The following FGF13 variants were observed in gnomAD, a reference collection of about 807,000 sequenced individuals.
The protein encoded by FGF13 is fibroblast growth factor homologous factor 2.
FGF13 carries 2 observed loss-of-function variants against 19.5 expected under a neutral mutation model. The observed-to-expected ratio is 0.10, with a 90% CI of 0.04 to 0.32. The LOEUF is 0.32. Ranked by LOEUF, FGF13 falls within the 10% of genes least tolerant of loss-of-function variation. FGF13 has a pLI of 1.00. For missense variants in FGF13, 113 were observed against 192.7 expected, an observed-to-expected ratio of 0.59 and a Z score of 2.45; for synonymous variants, 72 against 76.9, an observed-to-expected ratio of 0.94 and a Z score of 0.33.
At chrX:138,700,225 C>T (rs897562397) in intron 3 of FGF13, among the ~76,000 whole-genome samples, 5 of 111,171 alleles carry the variant, frequency 4.5e-5, no homozygotes, top group African/African-American at 1.6e-4. Context: ...CTGTAGTCAT[C>T]CCTCACCAAT....
At chrX:138,792,258 T>C (rs1368795571) in intron 3 of FGF13, among the ~76,000 whole-genome samples, 1 of 112,082 alleles carries the variant, frequency 8.9e-6, no homozygotes. Context: ...CAACTATATT[T>C]TCTGTACTTT....
intron 3 of FGF13, among the ~76,000 whole-genome samples, chrX:138,800,754 C>T (rs1021959637): frequency 8.9e-6 from 1 of 111,871 alleles, no homozygotes; most frequent in Non-Finnish European, 1.9e-5. Flanking sequence ...CACTTAGTCC[C>T]ATATTGCTTG....
intron 4 of FGF13, 30 bp downstream of exon 4, chrX:138,635,426 TA>T: frequency 8.7e-7 from 1 of 1,155,094 alleles, no homozygotes; most frequent in Non-Finnish European, 1.2e-6. Context: ...TTTAGTAGCA[TA>T]ATCCATAGTT....
chrX:138,665,525 T>A (rs1288670949), intron 3 of FGF13, among the ~76,000 whole-genome samples: 4 of 111,666 alleles, frequency 3.6e-5, no homozygotes, highest in Non-Finnish European at 5.7e-5. Flanking sequence ...TATATCTTTC[T>A]GGCTGGGCCT....
At chrX:139,008,707 T>C (rs1880275866) in intron 1 of FGF13, among the ~76,000 whole-genome samples, 1 of 111,956 alleles carries the variant, frequency 8.9e-6, no homozygotes, top group African/African-American at 3.3e-5. Context: ...ACAGCAGCCT[T>C]TGAATCCCAG....
chrX:139,128,848 AT>A (rs2083737947), intron 1 of FGF13, among the ~76,000 whole-genome samples: 1 of 111,247 alleles, frequency 9.0e-6, no homozygotes, highest in South Asian at 3.8e-4. Flanking sequence ...CTAGTAAATA[AT>A]TATCTATAAA....
intron 1 of FGF13, among the ~76,000 whole-genome samples, chrX:139,110,841 C>A (rs2083596074): frequency 1.8e-5 from 2 of 111,169 alleles, no homozygotes. Flanking sequence ...GTGGTGGCTT[C>A]TTCCCCTTGG....
chrX:139,181,671 C>A lies in FGF13; in HGVS notation c.-113+21745G>T, dbSNP rs770520648. Among the ~76,000 whole-genome samples the A allele has an allele frequency of 2.7e-5, 3 of 112,646 alleles. No individual in the cohort carries two copies. In the East Asian group the frequency reaches 8.4e-4, roughly 32 times the overall value. On this transcript the variant is annotated intron_variant, in intron 1 of 2. Coordinates refer to the FGF13 transcript ENST00000421460. ...CACTATGCTTGAATTACACTAGTCC[C>A]TGCCTTCAAGGAGCCCACAGCCTAG... is the stretch of plus-strand genomic sequence containing the variant.
At chrX:138,974,137 G>A (rs1487240197) in intron 1 of FGF13, among the ~76,000 whole-genome samples, 1 of 111,803 alleles carries the variant, frequency 8.9e-6, no homozygotes, top group African/African-American at 3.3e-5. Flanking sequence ...TAAATATATT[G>A]CTATTGTTTA....
At chrX:139,134,562 T>C (rs905483700) in intron 1 of FGF13, among the ~76,000 whole-genome samples, 5 of 111,536 alleles carry the variant, frequency 4.5e-5, no homozygotes, top group African/African-American at 1.6e-4. Context: ...TCCAACCATG[T>C]CAACCCATAA....
Position 138,928,333 on chromosome X carries a change from A to G in FGF13, c.-112-63683T>C, listed in dbSNP as rs181403501. ...AAAATTAAATAATTTAAATATTTTA[A>G]AGTAAGCAATAGGCATTACACAAAA... On this transcript the variant is annotated intron_variant, in intron 1 of 2. Transcript: ENST00000421460. Among the ~76,000 whole-genome samples, 390 of 110,771 alleles carry G rather than the reference A, an allele frequency of 3.5e-3. 1 individual carries two copies. Among genetic ancestry groups the G allele is most frequent in the African/African-American group, 0.012 (377 of 30,713 alleles).
chrX:138,910,334 A>G (rs1401435739), intron 1 of FGF13, among the ~76,000 whole-genome samples: 1 of 111,114 alleles, frequency 9.0e-6, no homozygotes, highest in African/African-American at 3.3e-5. Context: ...CCAAGTTACA[A>G]GAAGACATTA....
intron 1 of FGF13, among the ~76,000 whole-genome samples, chrX:139,067,261 T>A (rs992132761): frequency 9.0e-6 from 1 of 111,335 alleles, no homozygotes; most frequent in Non-Finnish European, 1.9e-5. Flanking sequence ...CTATTCAACA[T>A]AGTATTGGAA....
chrX:138,878,525 C>A (rs1258098846), intron 1 of FGF13, among the ~76,000 whole-genome samples: 6 of 108,072 alleles, frequency 5.6e-5, no homozygotes, highest in Non-Finnish European at 9.5e-5. Context: ...TGTATATGTG[C>A]CACATTTTCT....
chrX:138,980,283 T>A (rs992315069), intron 1 of FGF13, among the ~76,000 whole-genome samples: 1 of 111,142 alleles, frequency 9.0e-6, no homozygotes, highest in Non-Finnish European at 1.9e-5. Context: ...TTCCTTTTAA[T>A]CCCCGAGCCA....
intron 1 of FGF13, among the ~76,000 whole-genome samples, chrX:139,129,250 A>T (rs2083743732): frequency 9.1e-6 from 1 of 109,409 alleles, no homozygotes; most frequent in Non-Finnish European, 1.9e-5. Context: ...AATATAATGT[A>T]ATTTATAATA....
chrX:138,990,342 A>G (rs1381969689), intron 1 of FGF13, among the ~76,000 whole-genome samples: 2 of 111,071 alleles, frequency 1.8e-5, no homozygotes, highest in African/African-American at 3.3e-5. Flanking sequence ...TAATAAATAA[A>G]AACATAGCTT....
intron 1 of FGF13, among the ~76,000 whole-genome samples, chrX:139,045,143 A>G (rs1417139907): frequency 8.9e-6 from 1 of 112,286 alleles, no homozygotes; most frequent in Non-Finnish European, 1.9e-5. Context: ...TTAACACCAC[A>G]TGAAAACCAC....
chrX:138,725,418 A>T (rs1173194765), intron 1 of FGF13, among the ~76,000 whole-genome samples: 9 of 111,455 alleles, frequency 8.1e-5, no homozygotes. Flanking sequence ...AGACTACTGA[A>T]GGCCATGATA....
Sources: gnomAD v4.1 joint callset for allele counts (sites outside exome capture counted in the v4.1 genomes callset) on GRCh38, gnomAD v4.1.1 for gene constraint, MANE v1.5 for transcripts, NCBI Gene and HGNC (gene_info 2026-07-23, HGNC 2026-07-21) for gene names.